The following NCF4 variants were observed in gnomAD, a reference collection of about 807,000 sequenced individuals.
NCF4 encodes neutrophil cytosolic factor 4.
In NCF4, 30 loss-of-function variants were observed where a neutral mutation model predicts 41.7. The ratio of observed to expected loss-of-function variants is 0.72; its 90% confidence interval spans 0.54 to 0.97. The LOEUF (loss-of-function observed/expected upper bound fraction) is 0.97, where lower values mean the gene tolerates loss of function less well. Ranked by LOEUF, NCF4 falls within the 50% of genes least tolerant of loss-of-function variation. The pLI is 0.00. For missense variants in NCF4, 432 were observed against 460.9 expected, an observed-to-expected ratio of 0.94 and a Z score of 0.57; for synonymous variants, 195 against 175.8, an observed-to-expected ratio of 1.11 and a Z score of -0.87.
At position 36,875,782 on chromosome 22, in the gene NCF4, A is replaced by G; in HGVS notation, c.757A>G (p.Lys253Glu). 2 of 1,614,070 alleles carry G rather than the reference A, an allele frequency of 1.2e-6. No homozygotes were observed. Among genetic ancestry groups the G allele is most frequent in the Non-Finnish European group, 1.7e-6 (2 of 1,180,006 alleles). The change falls in exon 8 of 10, where the codon AAG becomes GAG. Residue 253 changes from lysine to glutamate, a missense_variant and splice_region_variant. Physicochemically the swap from Lys to Glu is moderately conservative, Grantham distance 56. Coordinates refer to ENST00000248899, the MANE Select transcript of NCF4 (RefSeq NM_000631.5). ...YYYEDTISTI[K>E]DIAVEEDLSS... is the part of the protein sequence containing the mutation. ...CTACGAAGACACCATCAGCACCATC[A>G]AGTCTGTGGCCTGGGAGGGAGGGGC...
chr22:36,871,096 A>C (rs1160613465), intron 5 of NCF4, among the ~76,000 whole-genome samples: 1 of 152,192 alleles, frequency 6.6e-6, no homozygotes, highest in Non-Finnish European at 1.5e-5. Context: ...TTCTGGGAAA[A>C]GCAGGACGGA....
chr22:36,867,883 G>A (rs539792983), intron 4 of NCF4, among the ~76,000 whole-genome samples: 22 of 152,316 alleles, frequency 1.4e-4, no homozygotes, highest in Non-Finnish European at 2.8e-4. Flanking sequence ...GGCCAAGCAG[G>A]CCGCAGGTTG....
intron 7 of NCF4, among the ~76,000 whole-genome samples, chr22:36,873,874 A>G (rs1232107202): frequency 1.3e-5 from 2 of 152,128 alleles, no homozygotes; most frequent in East Asian, 3.9e-4. Flanking sequence ...CCACTTGTGT[A>G]ATATGGGACA....
At chr22:36,861,536 G>T (rs1362275890) in intron 1 of NCF4, among the ~76,000 whole-genome samples, 3 of 152,138 alleles carry the variant, frequency 2.0e-5, no homozygotes, top group Non-Finnish European at 4.4e-5. Flanking sequence ...GATCAGCAAT[G>T]ACTTTCCATC....
chr22:36,877,650 A>C lies in NCF4; in HGVS notation c.847A>C (p.Ile283Leu). 6.2e-7 allele frequency: 1 copy of C among 1,614,136 alleles called. No homozygotes were observed. Reference protein sequence around the residue: ...LTRREFQREDIALNYRDAEGD... With the variant: ...LTRREFQREDLALNYRDAEGD... Reference sequence around the variant, plus strand: ...CAGGCGGGAGTTCCAGAGAGAGGACATAGCTCTGAATTACCGGGACGCTGA... The same window carrying C: ...CAGGCGGGAGTTCCAGAGAGAGGACCTAGCTCTGAATTACCGGGACGCTGA... Residue 283 changes from isoleucine (I) to leucine (L), a missense_variant, in exon 10 of 10, where the codon ATA becomes CTA. Ile to Leu is a conservative substitution (Grantham distance 5). Coordinates refer to ENST00000248899, the MANE Select transcript of NCF4 (RefSeq NM_000631.5).
intron 4 of NCF4, 141 bp from the exon 5 acceptor site, chr22:36,870,274 C>T (rs1200868389): frequency 3.3e-6 from 4 of 1,215,790 alleles, no homozygotes; most frequent in Non-Finnish European, 3.6e-6. Context: ...TTCTTTTAAA[C>T]AACGCATTTC....
At chr22:36,866,669 A>G (rs1043876199) in intron 3 of NCF4, among the ~76,000 whole-genome samples, 5 of 152,170 alleles carry the variant, frequency 3.3e-5, no homozygotes, top group African/African-American at 1.2e-4. Flanking sequence ...GGAGCCAGGC[A>G]GGTTTCAGAC....
At chr22:36,864,206 C>A in intron 2 of NCF4, 77 bp downstream of exon 2, 1 of 1,148,718 alleles carries the variant, frequency 8.7e-7, no homozygotes, top group Non-Finnish European at 1.3e-6. Context: ...TGCCCTCTGA[C>A]CTCTGAACCT....
rs554368196 is a variant in NCF4, at chr22:36,870,528, G to A, written c.456G>A (p.Pro152=). 1.5e-4 allele frequency: 246 copies of A among 1,612,254 alleles called. No homozygotes were observed. The highest frequency in any genetic ancestry group is 1.8e-4 in the Non-Finnish European group (215 of 1,180,026). ...CCCAGGCACTCCGCCGGCTCCGCCCGCGCACCCGGAAAGTGTAAGTGACCA... is the reference window on the plus strand; with the variant it reads ...CCCAGGCACTCCGCCGGCTCCGCCCACGCACCCGGAAAGTGTAAGTGACCA... The part of the protein sequence containing the change: ...QVPQALRRLR[P]RTRKVKSVSP... The change falls in exon 5 of 10, where the codon CCG becomes CCA. Residue 152 remains proline, a synonymous_variant. Coordinates refer to ENST00000248899, the MANE Select transcript of NCF4 (RefSeq NM_000631.5).
chr22:36,868,921 T>C (rs1390693047), intron 4 of NCF4, among the ~76,000 whole-genome samples: 1 of 152,172 alleles, frequency 6.6e-6, no homozygotes, highest in Non-Finnish European at 1.5e-5. Context: ...TGTCCCATTG[T>C]TGGGCAGCTA....
intron 6 of NCF4, 85 bp downstream of exon 6, chr22:36,871,794 TG>T (rs1443699732): frequency 2.1e-6 from 3 of 1,428,068 alleles, no homozygotes; most frequent in Non-Finnish European, 2.9e-6. Context: ...CCTCTCCTGC[TG>T]GGTGCTGCTG....
chr22:36,876,504 T>C (rs1441318308), intron 9 of NCF4, among the ~76,000 whole-genome samples: 1 of 152,174 alleles, frequency 6.6e-6, no homozygotes, highest in East Asian at 1.9e-4. Context: ...CATTATATAT[T>C]AAAAAAGAAA....
In NCF4 at chr22:36,874,591, G is replaced by A. The variant is rs560900833; in HGVS notation, c.628-1062G>A. ...GTATTGCCTTCCTGTTTTCCGGAAA[G>A]TCCTACTTATCAGTATGCTGGCTAA... On this transcript the variant is annotated intron_variant, in intron 7 of 9. Transcript: ENST00000248899. 5.3e-5 allele frequency among the ~76,000 whole-genome samples: 8 copies of A among 152,334 alleles called. No individual in the cohort carries two copies. In the South Asian group the frequency reaches 1.4e-3, roughly 28 times the overall value.
At chr22:36,867,111 G>GTGTGTGTGTA in intron 3 of NCF4, among the ~76,000 whole-genome samples, 1 of 4,992 alleles carries the variant, frequency 2.0e-4, no homozygotes, top group African/African-American at 1.0e-3. Context: ...ACTAAGAGTC[G>GTGTGTGTGTA]TGTGTGTGTG....
intron 7 of NCF4, among the ~76,000 whole-genome samples, 186 bp downstream of exon 7, chr22:36,872,611 A>G (rs1354793177): frequency 1.9e-4 from 18 of 95,878 alleles, no homozygotes; most frequent in East Asian, 7.3e-4. Context: ...GGAGGTGAGG[A>G]TGAAGGTGAG....
rs759301673 is a variant in NCF4 at position 36,861,164 on chromosome 22, C to T, written c.-8C>T. On this transcript the variant is annotated 5_prime_UTR_variant, in exon 1 of 10. Coordinates refer to ENST00000248899, the MANE Select transcript of NCF4 (RefSeq NM_000631.5). The stretch of plus-strand genomic sequence containing the variant: ...CTCTCCACCTGCTCCCTGGGACCAT[C>T]GCCCACCATGGCTGTGGCCCAGCAG... The T allele has an allele frequency of 3.2e-6, 5 of 1,551,490 alleles. No homozygotes were observed. The highest frequency in any genetic ancestry group is 3.5e-6 in the Non-Finnish European group (4 of 1,146,838).
chr22:36,870,955 C>G (rs940230660), intron 5 of NCF4, among the ~76,000 whole-genome samples: 14 of 152,184 alleles, frequency 9.2e-5, no homozygotes, highest in Admixed American at 4.6e-4. Context: ...AGCTATGGCT[C>G]TAGTTGTATC....
At chr22:36,862,092 C>T (rs1482096937) in intron 1 of NCF4, among the ~76,000 whole-genome samples, 9 of 152,196 alleles carry the variant, frequency 5.9e-5, no homozygotes, top group Admixed American at 5.9e-4. Flanking sequence ...AATTTTTCCT[C>T]AGTAGCCAGG....
chr22:36,875,555 C>A, intron 7 of NCF4, 98 bp from the exon 8 acceptor site: 1 of 1,142,542 alleles, frequency 8.8e-7, no homozygotes, highest in Non-Finnish European at 1.3e-6. Flanking sequence ...CGGACCTCAT[C>A]TGCCTTTCCC....
Sources: gnomAD v4.1 joint callset for allele counts (sites outside exome capture counted in the v4.1 genomes callset) on GRCh38, gnomAD v4.1.1 for gene constraint, MANE v1.5 for transcripts, NCBI Gene and HGNC (gene_info 2026-07-23, HGNC 2026-07-21) for gene names.